Variants in UNC13B observed in about 807,000 individuals in gnomAD.
UNC13B encodes the protein unc-13 homolog B, also known as protein unc-13 homolog B.
UNC13B carries 144 observed loss-of-function variants against 211.0 expected under a neutral mutation model. The ratio of observed to expected loss-of-function variants is 0.68; its 90% confidence interval spans 0.60 to 0.78. The LOEUF (loss-of-function observed/expected upper bound fraction) is 0.78, where lower values mean the gene tolerates loss of function less well. UNC13B is among the 30% of genes least tolerant of loss of function. The probability of loss-of-function intolerance (pLI) is 0.00; values close to 1 mark genes in which losing one functional copy is unlikely to be tolerated. For synonymous variants in UNC13B, 709 were observed against 725.8 expected, an observed-to-expected ratio of 0.98 and a Z score of 0.37; for missense variants, 1,777 against 2,002.0, an observed-to-expected ratio of 0.89 and a Z score of 2.14.
chr9:35,286,368 G>T lies in UNC13B; in HGVS notation c.527-9328G>T, dbSNP rs1246011553. Among the ~76,000 whole-genome samples the T allele has an allele frequency of 2.6e-5, 4 of 151,914 alleles. No individual in the cohort carries two copies. The East Asian group carries it at 7.7e-4, about 29-fold the overall frequency. On this transcript the variant is annotated intron_variant, in intron 7 of 39. Transcript: ENST00000635942. The stretch of plus-strand genomic sequence containing the variant: ...CTGCCTTAGCCTCCCAAGTAGCTGG[G>T]ATTACAGGTGCCTGCCACCATGCTT...
intron 11 of UNC13B, among the ~76,000 whole-genome samples, chr9:35,318,939 A>G (rs769195503): frequency 2.0e-5 from 3 of 152,206 alleles, no homozygotes; most frequent in Non-Finnish European, 4.4e-5. Context: ...GGAGCAACCA[A>G]CACCTGGAAC....
intron 11 of UNC13B, among the ~76,000 whole-genome samples, chr9:35,346,388 T>C (rs10814229): frequency 0.081 from 12,313 of 152,196 alleles, 660 homozygotes; most frequent in East Asian, 0.3. Flanking sequence ...GTTACATTCC[T>C]AATCACATTT....
At chr9:35,262,972 G>A (rs1266050343) in intron 7 of UNC13B, among the ~76,000 whole-genome samples, 1 of 151,928 alleles carries the variant, frequency 6.6e-6, no homozygotes, top group African/African-American at 2.4e-5. Context: ...ACAAAACTTT[G>A]CCTTTTTGGT....
At position 35,309,849 on chromosome 9, in the gene UNC13B, G is replaced by A. The variant is rs557364079; in HGVS notation, c.9009-618G>A. On this transcript the variant is annotated intron_variant, in intron 9 of 39. Transcript: ENST00000635942. ...ATCATTGTAGCATTTATGTTGATGA[G>A]ACCATTCGTTTGTGTATTCTCTTGG... Among the ~76,000 whole-genome samples the A allele has an allele frequency of 1.5e-3, 221 of 152,294 alleles. 1 individual carries two copies. The highest frequency in any genetic ancestry group is 5.0e-3 in the African/African-American group (207 of 41,566).
At chr9:35,390,047 T>C in intron 25 of UNC13B, 74 bp downstream of exon 25, 1 of 1,587,296 alleles carries the variant, frequency 6.3e-7, no homozygotes, top group Admixed American at 1.7e-5. Context: ...CTTTCTTTCC[T>C]GTCTCTGTAT....
At chr9:35,164,963 A>G (rs1468300997) in intron 1 of UNC13B, among the ~76,000 whole-genome samples, 3 of 152,198 alleles carry the variant, frequency 2.0e-5, no homozygotes, top group African/African-American at 7.2e-5. Flanking sequence ...AAGTAATTGC[A>G]CTGGTCAGAT....
In UNC13B at chr9:35,397,153, G is replaced by C; in HGVS notation, c.11533-14G>C. Reference sequence around the variant, plus strand: ...GCAGCTGTGGATGGTGACCCTGTGTGTGGTCTTCCTTAGTTCCAGCAGACA... The same window carrying C: ...GCAGCTGTGGATGGTGACCCTGTGTCTGGTCTTCCTTAGTTCCAGCAGACA... On this transcript the variant is annotated splice_polypyrimidine_tract_variant and intron_variant, in intron 28 of 39. Transcript: ENST00000635942. 6.2e-7 allele frequency: 1 copy of C among 1,613,364 alleles called. No individual in the cohort carries two copies. The highest frequency in any genetic ancestry group is 2.2e-5 in the East Asian group (1 of 44,848).
chr9:35,375,646 G>T (rs1178669089), intron 14 of UNC13B, among the ~76,000 whole-genome samples: 1 of 152,166 alleles, frequency 6.6e-6, no homozygotes, highest in Non-Finnish European at 1.5e-5. Context: ...GGTCCTGATT[G>T]TCCCACAGGG....
chr9:35,236,351 A>AT (rs1825509000), intron 3 of UNC13B, 118 bp from the exon 4 acceptor site: 1 of 829,406 alleles, frequency 1.2e-6, no homozygotes, highest in East Asian at 2.6e-5. Context: ...GGAAATTTTG[A>AT]TTTTTCCTGA....
chr9:35,346,013 C>T (rs964600789), intron 11 of UNC13B, among the ~76,000 whole-genome samples: 2 of 152,226 alleles, frequency 1.3e-5, no homozygotes, highest in African/African-American at 4.8e-5. Flanking sequence ...AACTGCAATA[C>T]TGGGACCTTG....
chr9:35,403,565 A>G lies in UNC13B; in HGVS notation c.12703A>G (p.Asn4235Asp), dbSNP rs1836473968. ...GTTCACAACCAAATCCAAAAGCAAC[A>G]ACTGGGCCCCCAAGTACAATGAGAC... Reference protein sequence around the residue: ...RKFTTKSKSNNWAPKYNETFH... With the variant: ...RKFTTKSKSNDWAPKYNETFH... Residue 4235 changes from asparagine (N) to aspartate (D), a missense_variant, in exon 39 of 40, where the codon AAC becomes GAC. Asn to Asp is a conservative substitution (Grantham distance 23). Transcript: ENST00000635942. The G allele has an allele frequency of 1.9e-6, 3 of 1,600,300 alleles. No homozygotes were observed. The highest frequency in any genetic ancestry group is 2.6e-6 in the Non-Finnish European group (3 of 1,172,468).
At chr9:35,388,129 C>T (rs1289159988) in intron 24 of UNC13B, among the ~76,000 whole-genome samples, 1 of 151,980 alleles carries the variant, frequency 6.6e-6, no homozygotes, top group African/African-American at 2.4e-5. Context: ...ATAAGCAGGC[C>T]GGGCGCAATG....
At chr9:35,393,818 C>G (rs771425254) in intron 26 of UNC13B, among the ~76,000 whole-genome samples, 1 of 151,916 alleles carries the variant, frequency 6.6e-6, no homozygotes, top group Non-Finnish European at 1.5e-5. Flanking sequence ...TGATCCACCC[C>G]CCTCAGCCTC....
Position 35,398,994 on chromosome 9 carries a change from G to T in UNC13B, c.12034G>T (p.Asp4012Tyr). Residue 4012 changes from aspartate (D) to tyrosine (Y), a missense_variant, in exon 33 of 40, where the codon GAT becomes TAT. By Grantham distance (160) the Asp-to-Tyr change is radical. Transcript: ENST00000635942. ...DARASAAQDA[D>Y]SVLRPLMDFL... ...CAGGGCCTCAGCGGCTCAGGATGCA[G>T]ATAGCGTACTCCGGCCTCTCATGGA... 1 of 1,614,206 alleles carries T rather than the reference G, an allele frequency of 6.2e-7. No homozygotes were observed. Among genetic ancestry groups the T allele is most frequent in the Non-Finnish European group, 8.5e-7 (1 of 1,180,026 alleles).
chr9:35,371,058 A>C (rs999116021), intron 13 of UNC13B, among the ~76,000 whole-genome samples: 2 of 152,136 alleles, frequency 1.3e-5, no homozygotes, highest in Non-Finnish European at 2.9e-5. Context: ...AGTGAGGTCC[A>C]GGTTCTCTCA....
chr9:35,174,351 G>A (rs1238721243), intron 1 of UNC13B, among the ~76,000 whole-genome samples: 1 of 151,404 alleles, frequency 6.6e-6, no homozygotes, highest in African/African-American at 2.4e-5. Context: ...CGGGGGGCAG[G>A]GTCTCCCTCT....
chr9:35,359,098 A>G (rs1325870746), intron 11 of UNC13B, among the ~76,000 whole-genome samples: 3 of 152,048 alleles, frequency 2.0e-5, no homozygotes, highest in Admixed American at 2.0e-4. Flanking sequence ...TGTTGAAAAG[A>G]TTATTCTTTT....
intron 22 of UNC13B, chr9:35,385,416 G>A (rs1716674463): frequency 2.0e-6 from 2 of 985,438 alleles, no homozygotes; most frequent in Non-Finnish European, 1.2e-6. Flanking sequence ...AAAAAAGCAT[G>A]TGTGTAAGTT....
Position 35,162,277 on chromosome 9 carries a change from C to G in UNC13B, c.-7C>G. The G allele has an allele frequency of 3.2e-6, 5 of 1,541,372 alleles. No individual in the cohort carries two copies. Among genetic ancestry groups the G allele is most frequent in the Non-Finnish European group, 4.4e-6 (5 of 1,147,980 alleles). On this transcript the variant is annotated 5_prime_UTR_variant, in exon 1 of 40. Coordinates refer to ENST00000635942, the MANE Select transcript of UNC13B (RefSeq NM_001371189.2). ...GGGCGCGGCAGAGGCTTGCCCGATC[C>G]TCGGCCATGTCACTGCTCTGCGTGC...
Sources: allele counts gnomAD v4.1 joint callset (sites outside exome capture counted in the v4.1 genomes callset), GRCh38; gene constraint gnomAD v4.1.1; transcripts MANE v1.5; gene names NCBI Gene and HGNC (gene_info 2026-07-23, HGNC 2026-07-21).